The following CSMD1 variants were observed in gnomAD, a reference collection of about 807,000 sequenced individuals.
CSMD1 encodes CUB and Sushi multiple domains 1.
CSMD1 carries 213 observed loss-of-function variants against 417.5 expected under a neutral mutation model. The ratio of observed to expected loss-of-function variants is 0.51; its 90% CI spans 0.46 to 0.57. The LOEUF (loss-of-function observed/expected upper bound fraction) is 0.57. Ranked by LOEUF, CSMD1 falls within the 20% of genes least tolerant of loss-of-function variation. The probability of loss-of-function intolerance (pLI) is 0.00; values close to 1 mark genes in which losing one functional copy is unlikely to be tolerated. For missense variants in CSMD1, 6,923 were observed against 4,529.7 expected, an observed-to-expected ratio of 1.53 and a Z score of -15.17; for synonymous variants, 2,862 against 1,736.8, an observed-to-expected ratio of 1.65 and a Z score of -16.11.
At chr8:4,044,285 A>C (rs1240225691) in intron 3 of CSMD1, among the ~76,000 whole-genome samples, 2 of 152,198 alleles carry the variant, frequency 1.3e-5, no homozygotes, top group Non-Finnish European at 2.9e-5. Context: ...ATGGCAAAGG[A>C]AAAACAGAGA....
intron 23 of CSMD1, among the ~76,000 whole-genome samples, chr8:3,314,264 T>G (rs1039582753): frequency 1.3e-5 from 2 of 151,972 alleles, no homozygotes; most frequent in African/African-American, 4.8e-5. Context: ...AAATAAAAAA[T>G]AAATCTCAAG....
intron 1 of CSMD1, among the ~76,000 whole-genome samples, chr8:4,877,543 T>G (rs1803127817): frequency 6.6e-6 from 1 of 152,106 alleles, no homozygotes. Flanking sequence ...TTCATATCAA[T>G]GCATTGCACT....
At chr8:3,515,857 C>T (rs758658221) in intron 10 of CSMD1, among the ~76,000 whole-genome samples, 2 of 152,146 alleles carry the variant, frequency 1.3e-5, no homozygotes, top group Admixed American at 6.5e-5. Context: ...TGGACTTCAG[C>T]GTGGGGAAAA....
chr8:4,379,781 A>C (rs770054164), intron 3 of CSMD1, among the ~76,000 whole-genome samples: 5 of 152,194 alleles, frequency 3.3e-5, no homozygotes, highest in Non-Finnish European at 7.3e-5. Flanking sequence ...TTTAGGTCCA[A>C]GTCCTCCAGT....
intron 3 of CSMD1, among the ~76,000 whole-genome samples, chr8:4,208,490 T>C (rs902017353): frequency 1.3e-5 from 2 of 152,224 alleles, no homozygotes; most frequent in African/African-American, 4.8e-5. Flanking sequence ...TCATCTGCGT[T>C]CTGTAGTTTA....
Position 3,087,161 on chromosome 8 carries a change from A to C in CSMD1, c.7410T>G (p.Asn2470Lys). 6.2e-7 allele frequency: 1 copy of C among 1,613,932 alleles called. No individual in the cohort carries two copies. Among genetic ancestry groups the C allele is most frequent in the Non-Finnish European group, 8.5e-7 (1 of 1,179,908 alleles). The change falls in exon 49 of 70, where the codon AAT (asparagine) becomes AAG (lysine). Residue 2470 changes from asparagine (N) to lysine (K), a missense_variant. Coordinates refer to ENST00000635120, the MANE Select transcript of CSMD1 (RefSeq NM_033225.6). ...KPGYRMVGHS[N>K]ATCRRNPLGM... ...CAAGTGGGTTTCGTCTACAGGTTGC[A>C]TTGCTGTGGCCGACCATTCGGTATC...
intron 49 of CSMD1, among the ~76,000 whole-genome samples, chr8:3,061,279 G>A (rs957537147): frequency 2.6e-5 from 4 of 152,052 alleles, no homozygotes; most frequent in African/African-American, 7.2e-5. Context: ...ACCCTACTAG[G>A]CCAGCAGCAA....
chr8:4,047,521 A>C (rs1585202085), intron 3 of CSMD1, among the ~76,000 whole-genome samples: 1 of 151,594 alleles, frequency 6.6e-6, no homozygotes, highest in African/African-American at 2.4e-5. Context: ...GTGATATGTC[A>C]TTCATTCATT....
In CSMD1 at chr8:3,829,769, C is replaced by G. The variant is rs572724998; in HGVS notation, c.819-75727G>C. On this transcript the variant is annotated intron_variant, in intron 5 of 69. Coordinates refer to ENST00000635120, the MANE Select transcript of CSMD1 (RefSeq NM_033225.6). ...ATTATACCCCAATTATGTGATTTCT[C>G]CAAGACAGGAATATTGAATGAGGTT... Among the ~76,000 whole-genome samples the G allele has an allele frequency of 3.9e-5, 6 of 152,242 alleles. No individual in the cohort carries two copies. In the South Asian group the frequency reaches 1.2e-3, roughly 32 times the overall value.
chr8:4,570,300 T>C (rs1798821185), intron 2 of CSMD1, among the ~76,000 whole-genome samples: 1 of 152,218 alleles, frequency 6.6e-6, no homozygotes, highest in Non-Finnish European at 1.5e-5. Context: ...CTTATTATTT[T>C]GACATATGTT....
intron 10 of CSMD1, among the ~76,000 whole-genome samples, chr8:3,557,343 G>A (rs1402769468): frequency 6.6e-6 from 1 of 152,052 alleles, no homozygotes. Flanking sequence ...CCTCTCTAGT[G>A]GGGTAAAACA....
intron 1 of CSMD1, among the ~76,000 whole-genome samples, chr8:4,878,418 A>C (rs2116944453): frequency 6.6e-6 from 1 of 152,186 alleles, no homozygotes; most frequent in Admixed American, 6.5e-5. Flanking sequence ...AAGTATTAGT[A>C]ATATATGATT....
chr8:3,880,320 C>G (rs1806125193), intron 5 of CSMD1, among the ~76,000 whole-genome samples: 1 of 152,132 alleles, frequency 6.6e-6, no homozygotes. Flanking sequence ...AAAACTATCC[C>G]ATTATTACTG....
At chr8:4,870,607 G>C (rs1220395335) in intron 1 of CSMD1, among the ~76,000 whole-genome samples, 2 of 152,084 alleles carry the variant, frequency 1.3e-5, no homozygotes, top group Non-Finnish European at 2.9e-5. Context: ...TTTCAGTGTG[G>C]ATACTTTATT....
At chr8:3,749,920 T>C (rs552062301) in intron 6 of CSMD1, among the ~76,000 whole-genome samples, 5 of 152,326 alleles carry the variant, frequency 3.3e-5, no homozygotes, top group African/African-American at 1.2e-4. Context: ...TAGCTACTCA[T>C]TTCTGTTGGA....
rs552138460 is a variant in CSMD1, at chr8:4,387,267, G to A, written c.415+32686C>T. On this transcript the variant is annotated intron_variant, in intron 3 of 69. Transcript: ENST00000635120. ...CAATTATCATTTTCTTAAGCTATAG[G>A]AGCAGACTTTTTAAATTAAGTCACT... Among the ~76,000 whole-genome samples the A allele has an allele frequency of 2.6e-5, 4 of 152,130 alleles. No homozygotes were observed. The South Asian group carries it at 8.3e-4, about 32-fold the overall frequency.
chr8:4,192,596 C>G (rs1057375865), intron 3 of CSMD1, among the ~76,000 whole-genome samples: 2 of 152,192 alleles, frequency 1.3e-5, no homozygotes, highest in African/African-American at 2.4e-5. Context: ...CAGCTTTGCC[C>G]TATAATGAGA....
At chr8:3,548,821 A>C (rs1227138180) in intron 10 of CSMD1, among the ~76,000 whole-genome samples, 2 of 151,992 alleles carry the variant, frequency 1.3e-5, no homozygotes, top group African/African-American at 2.4e-5. Flanking sequence ...TTTCAGAGCA[A>C]AGCCACCCTT....
intron 49 of CSMD1, among the ~76,000 whole-genome samples, chr8:3,059,731 T>TC (rs905438366): frequency 2.0e-5 from 3 of 151,950 alleles, no homozygotes; most frequent in Non-Finnish European, 4.4e-5. Context: ...GAGAGTGGAC[T>TC]GGGGGAGGGG....
Sources: gnomAD v4.1 joint callset for allele counts (sites outside exome capture counted in the v4.1 genomes callset) on GRCh38, gnomAD v4.1.1 for gene constraint, MANE v1.5 for transcripts, NCBI Gene and HGNC (gene_info 2026-07-23, HGNC 2026-07-21) for gene names.